CHID1: variants seen among roughly 807,000 people sequenced by gnomAD.
CHID1 encodes the protein chitinase domain-containing protein 1.
Under a neutral mutation model 55.4 loss-of-function variants are expected in CHID1, and 44 were observed. The observed-to-expected ratio is 0.79, with a 90% CI of 0.62 to 1.02. The LOEUF is 1.02. Ranked by LOEUF, CHID1 falls within the 50% of genes least tolerant of loss-of-function variation. The probability of loss-of-function intolerance (pLI) is 0.00; values close to 1 mark genes in which losing one functional copy is unlikely to be tolerated. For missense variants in CHID1, 491 were observed against 515.3 expected, an observed-to-expected ratio of 0.95 and a Z score of 0.46; for synonymous variants, 216 against 212.9, an observed-to-expected ratio of 1.01 and a Z score of -0.13.
intron 8 of CHID1, among the ~76,000 whole-genome samples, chr11:890,964 G>A (rs1289130296): frequency 3.3e-5 from 5 of 152,192 alleles, no homozygotes; most frequent in African/African-American, 7.2e-5. Flanking sequence ...TGGAGAGAGC[G>A]AGCCTGTGTG....
At chr11:882,749 C>T (rs1379538415) in intron 10 of CHID1, among the ~76,000 whole-genome samples, 2 of 152,208 alleles carry the variant, frequency 1.3e-5, no homozygotes, top group African/African-American at 2.4e-5. Context: ...GTAATGCCAA[C>T]AAGAAACCAC....
chr11:904,573 C>A, intron 2 of CHID1, 133 bp downstream of exon 2: 2 of 1,010,746 alleles, frequency 2.0e-6, no homozygotes, highest in Non-Finnish European at 2.9e-6. Flanking sequence ...CGGCTGCGGG[C>A]TCATCAGGTG....
At chr11:893,335 G>C in intron 8 of CHID1, 92 bp downstream of exon 8, 1 of 1,003,146 alleles carries the variant, frequency 1.0e-6, no homozygotes, top group Non-Finnish European at 1.5e-6. Context: ...CTGAGCAGGA[G>C]GGCCTGGGCC....
At chr11:877,959 T>A (rs1309710371) in intron 10 of CHID1, among the ~76,000 whole-genome samples, 2 of 152,176 alleles carry the variant, frequency 1.3e-5, no homozygotes, top group Non-Finnish European at 2.9e-5. Flanking sequence ...TGGGTGACCA[T>A]GGGCATGGGA....
At chr11:872,826 A>C (rs1849263819) in intron 10 of CHID1, among the ~76,000 whole-genome samples, 1 of 151,986 alleles carries the variant, frequency 6.6e-6, no homozygotes, top group African/African-American at 2.4e-5. Context: ...GGCTGTGGGG[A>C]GCTCTGGCCA....
At chr11:909,295 C>T (rs1187269299) in intron 1 of CHID1, among the ~76,000 whole-genome samples, 1 of 152,228 alleles carries the variant, frequency 6.6e-6, no homozygotes, top group Non-Finnish European at 1.5e-5. Context: ...ACCGTTTCTT[C>T]CCCAAATGCC....
intron 9 of CHID1, 45 bp downstream of exon 9, chr11:884,023 C>T: frequency 2.8e-6 from 4 of 1,438,794 alleles, no homozygotes; most frequent in South Asian, 2.3e-5. Flanking sequence ...CACTGCTGCA[C>T]TGTGGAGTTT....
At position 903,557 on chromosome 11, in the gene CHID1, G is replaced by A. The variant is rs1851982675; in HGVS notation, c.112-446C>T. On this transcript the variant is annotated intron_variant, in intron 2 of 12. Coordinates refer to ENST00000323578, the MANE Select transcript of CHID1 (RefSeq NM_023947.4). ...GAACTTTGGGAGGCCGAGGCAGGTG[G>A]ATCACCTGAGATCAGGAGTTGGAGA... 1.4e-5 allele frequency: 3 copies of A among 214,388 alleles called. No individual in the cohort carries two copies. The South Asian group carries it at 1.9e-4, about 13-fold the overall frequency. 13.3% of individuals were successfully genotyped at this position (214,388 alleles called of 1,614,324 possible).
rs57877062 is a variant in CHID1, at chr11:870,989, C to CT, written c.960-491dup. Among the ~76,000 whole-genome samples, 29 of 91,976 alleles carry CT rather than the reference C, an allele frequency of 3.2e-4. 1 individual carries two copies. Among genetic ancestry groups the CT allele is most frequent in the African/African-American group, 9.5e-4 (23 of 24,304 alleles). The allele number at this position is 91,976 out of a possible 152,430, so 60.3% of individuals were successfully genotyped here. On this transcript the variant is annotated intron_variant, in intron 10 of 12. Transcript: ENST00000323578. ...CTGCCCGGGGCAGTGGTTTCTGCAC[C>CT]TTTTTTTTTTTTTTTTTTTGAGACG... is the stretch of plus-strand genomic sequence containing the variant.
Position 903,049 on chromosome 11 carries a change from C to A in CHID1, c.174G>T (p.Glu58Asp). The A allele has an allele frequency of 6.2e-7, 1 of 1,613,896 alleles. No individual in the cohort carries two copies. The highest frequency in any genetic ancestry group is 1.1e-5 in the South Asian group (1 of 91,092). Residue 58 changes from glutamate to aspartate, a missense_variant, in exon 3 of 13, where the codon GAG becomes GAT. Physicochemically the swap from Glu to Asp is conservative, Grantham distance 45. Transcript: ENST00000323578. The stretch of plus-strand genomic sequence containing the variant: ...AGCTGCGATGCTCAAGAACCACACT[C>A]TCAGCTTTGAGGTCCGTCACCACCA... ...RGLVVTDLKA[E>D]SVVLEHRSYC...
At position 869,922 on chromosome 11, in the gene CHID1, A is replaced by G. The variant is rs754522495; in HGVS notation, c.1118T>C (p.Leu373Pro). 3 of 1,612,572 alleles carry G rather than the reference A, an allele frequency of 1.9e-6. No individual in the cohort carries two copies. Among genetic ancestry groups the G allele is most frequent in the South Asian group, 1.1e-5 (1 of 91,088 alleles). The stretch of plus-strand genomic sequence containing the variant: ...CTCCCAGATAGAGACCCCAACGCCC[A>G]GCTCCCGGGCCAGCTCCAGCCGCAC... ...LQVRLELARE[L>P]GVGVSIWELG... The change falls in exon 13 of 13, where the codon CTG (leucine) becomes CCG (proline). Residue 373 changes from leucine (L) to proline (P), a missense_variant. By Grantham distance (98) the Leu-to-Pro change is moderately conservative (BLOSUM62 -3). Transcript: ENST00000323578.
chr11:898,399 C>A lies in CHID1; in HGVS notation c.608+941G>T, dbSNP rs528852606. Among the ~76,000 whole-genome samples, 6 of 152,310 alleles carry A rather than the reference C, an allele frequency of 3.9e-5. No individual in the cohort carries two copies. In the South Asian group the frequency reaches 1.2e-3, roughly 32 times the overall value. ...CAGAACCCACGGCTCACACAGAAGG[C>A]TGAAGGGCTGGACAGCTGCCATAGG... On this transcript the variant is annotated intron_variant, in intron 7 of 12. Transcript: ENST00000323578.
intron 8 of CHID1, among the ~76,000 whole-genome samples, chr11:892,190 T>C (rs1850891273): frequency 6.6e-6 from 1 of 152,154 alleles, no homozygotes; most frequent in Non-Finnish European, 1.5e-5. Context: ...ACCCCAGCCC[T>C]GGACTTGGGC....
rs576070415 is a variant in CHID1, at chr11:907,616, C to G, written c.-43-2757G>C. On this transcript the variant is annotated intron_variant, in intron 1 of 12. Transcript: ENST00000323578. Reference sequence around the variant, plus strand: ...GCTTTGGGACACTGCTGGGAAGAAGCTCTTGGCTAGTTTCACAGCTCTGGC... The same window carrying G: ...GCTTTGGGACACTGCTGGGAAGAAGGTCTTGGCTAGTTTCACAGCTCTGGC... Among the ~76,000 whole-genome samples the G allele has an allele frequency of 1.0e-3, 158 of 152,328 alleles. 1 individual carries two copies. The highest frequency in any genetic ancestry group is 3.7e-3 in the African/African-American group (152 of 41,580).
intron 8 of CHID1, among the ~76,000 whole-genome samples, chr11:891,938 CAAAAAA>C (rs57065345): frequency 1.9e-5 from 2 of 102,922 alleles, no homozygotes; most frequent in East Asian, 6.0e-4. Context: ...ACCTCATTTC[CAAAAAA>C]AAAAAAAAAA....
intron 10 of CHID1, among the ~76,000 whole-genome samples, chr11:879,744 G>A (rs1327277066): frequency 6.6e-6 from 1 of 152,228 alleles, no homozygotes; most frequent in African/African-American, 2.4e-5. Context: ...AACCAGAATT[G>A]AGGCTTCCCT....
intron 8 of CHID1, among the ~76,000 whole-genome samples, chr11:884,699 G>T (rs1235711969): frequency 6.6e-6 from 1 of 152,254 alleles, no homozygotes. Context: ...GGAAGGACAA[G>T]TGCTTGGCTC....
chr11:897,437 GCT>G (rs1323855622), intron 7 of CHID1, among the ~76,000 whole-genome samples: 3 of 152,222 alleles, frequency 2.0e-5, no homozygotes, highest in African/African-American at 7.2e-5. Flanking sequence ...AAGCAGGCGG[GCT>G]CTGTCTCCTG....
intron 8 of CHID1, among the ~76,000 whole-genome samples, chr11:889,747 T>C (rs1294011076): frequency 2.0e-5 from 3 of 152,140 alleles, no homozygotes; most frequent in Non-Finnish European, 4.4e-5. Context: ...GTGGCATCAC[T>C]GTCAGGCCCC....
Sources: allele counts gnomAD v4.1 joint callset (sites outside exome capture counted in the v4.1 genomes callset), GRCh38; gene constraint gnomAD v4.1.1; transcripts MANE v1.5; gene names NCBI Gene and HGNC (gene_info 2026-07-23, HGNC 2026-07-21).